KCNIP4: variants seen among roughly 807,000 people sequenced by gnomAD.
KCNIP4 encodes Kv channel-interacting protein 4.
A neutral mutation model predicts 34.0 loss-of-function variants in KCNIP4; 12 were observed. The observed-to-expected ratio is 0.35, with a 90% CI of 0.23 to 0.57. KCNIP4 has a LOEUF of 0.57. Among genes scored for constraint, KCNIP4 ranks in the 20% least tolerant of loss-of-function variants. The pLI is 0.83. For synonymous variants in KCNIP4, 124 were observed against 102.2 expected, an observed-to-expected ratio of 1.21 and a Z score of -1.29; for missense variants, 238 against 311.7, an observed-to-expected ratio of 0.76 and a Z score of 1.78.
At chr4:20,814,056 C>T (rs997328491) in intron 3 of KCNIP4, among the ~76,000 whole-genome samples, 1 of 152,124 alleles carries the variant, frequency 6.6e-6, no homozygotes, top group Non-Finnish European at 1.5e-5. Flanking sequence ...CTTCTTGCTG[C>T]TTCCATTTTC....
intron 1 of KCNIP4, among the ~76,000 whole-genome samples, chr4:21,288,407 A>G (rs539349431): frequency 1.2e-4 from 19 of 152,212 alleles, no homozygotes; most frequent in Non-Finnish European, 2.4e-4. Context: ...TCATTATTAC[A>G]GAACAAAAAA....
chr4:21,184,767 T>TTCA (rs1755094011), intron 1 of KCNIP4, among the ~76,000 whole-genome samples: 1 of 152,214 alleles, frequency 6.6e-6, no homozygotes, highest in Admixed American at 6.6e-5. Context: ...GAAAGTGTCT[T>TTCA]CCTGATAAAC....
chr4:21,199,815 G>A (rs1756336616), intron 1 of KCNIP4, among the ~76,000 whole-genome samples: 1 of 151,728 alleles, frequency 6.6e-6, no homozygotes, highest in Admixed American at 6.6e-5. Context: ...TGATAGACTG[G>A]ATTAAGAAAA....
At chr4:21,770,222 G>A (rs1277798379) in intron 1 of KCNIP4, among the ~76,000 whole-genome samples, 1 of 152,016 alleles carries the variant, frequency 6.6e-6, no homozygotes, top group African/African-American at 2.4e-5. Flanking sequence ...GTGGTGTTTG[G>A]TTTTCCATTC....
Position 21,479,414 on chromosome 4 carries a change from G to A in KCNIP4, c.61+469157C>T, listed in dbSNP as rs146179653. 6.0e-4 allele frequency among the ~76,000 whole-genome samples: 91 copies of A among 152,266 alleles called. 1 individual carries two copies. The highest frequency in any genetic ancestry group is 2.2e-3 in the African/African-American group (90 of 41,564). ...GTAGTTTTTATTCTCTAATAGCAAA[G>A]CTCACATGGAATGAGATATGCATGC... On this transcript the variant is annotated intron_variant, in intron 1 of 8. Transcript: ENST00000382152.
intron 1 of KCNIP4, among the ~76,000 whole-genome samples, chr4:21,580,066 T>C (rs1741093197): frequency 6.6e-6 from 1 of 152,158 alleles, no homozygotes. Context: ...TTTACTTGTG[T>C]AGTTAAGGGG....
At chr4:20,813,787 G>A (rs1716055912) in intron 3 of KCNIP4, among the ~76,000 whole-genome samples, 2 of 152,136 alleles carry the variant, frequency 1.3e-5, no homozygotes, top group Admixed American at 6.5e-5. Context: ...TAGGAAACAG[G>A]AAAAAATTGG....
At chr4:20,995,370 A>C (rs1737455586) in intron 1 of KCNIP4, among the ~76,000 whole-genome samples, 3 of 152,218 alleles carry the variant, frequency 2.0e-5, no homozygotes, top group Non-Finnish European at 4.4e-5. Context: ...TAGTTAAAGC[A>C]TTCATTGCAG....
intron 1 of KCNIP4, among the ~76,000 whole-genome samples, chr4:21,942,804 C>T (rs978302247): frequency 2.0e-5 from 3 of 152,078 alleles, no homozygotes; most frequent in African/African-American, 7.3e-5. Flanking sequence ...GTTGCCCAGG[C>T]AGGAGTGCAA....
chr4:21,411,308 CT>C (rs1182937604), intron 1 of KCNIP4, among the ~76,000 whole-genome samples: 2 of 151,986 alleles, frequency 1.3e-5, no homozygotes, highest in African/African-American at 4.8e-5. Context: ...GGAAAGCAAA[CT>C]TTTAGATAGT....
chr4:21,744,563 C>A (rs1249428253), intron 1 of KCNIP4, among the ~76,000 whole-genome samples: 1 of 152,192 alleles, frequency 6.6e-6, no homozygotes, highest in Admixed American at 6.6e-5. Flanking sequence ...TGAACACCTG[C>A]TTCCCTGAGC....
intron 3 of KCNIP4, among the ~76,000 whole-genome samples, chr4:20,791,249 T>C (rs1461576640): frequency 1.3e-5 from 2 of 152,260 alleles, no homozygotes; most frequent in East Asian, 3.9e-4. Context: ...TAGACATTTT[T>C]AGATGTCAAC....
chr4:21,003,453 G>A (rs1209992480), intron 1 of KCNIP4, among the ~76,000 whole-genome samples: 1 of 152,180 alleles, frequency 6.6e-6, no homozygotes, highest in East Asian at 1.9e-4. Context: ...ACCTAAGAGT[G>A]ATCAATAAAC....
At chr4:21,596,992 AG>A (rs1158811376) in intron 1 of KCNIP4, among the ~76,000 whole-genome samples, 4 of 152,096 alleles carry the variant, frequency 2.6e-5, no homozygotes, top group Non-Finnish European at 5.9e-5. Context: ...AAGTGTTTCA[AG>A]GGGTTTTGTC....
intron 1 of KCNIP4, among the ~76,000 whole-genome samples, chr4:21,782,318 C>A (rs943884325): frequency 6.6e-6 from 1 of 152,074 alleles, no homozygotes; most frequent in Non-Finnish European, 1.5e-5. Context: ...ACATAAGATA[C>A]AAAACAAATT....
intron 1 of KCNIP4, among the ~76,000 whole-genome samples, chr4:21,443,913 A>G (rs115737411): frequency 0.087 from 13,305 of 152,192 alleles, 630 homozygotes; most frequent in East Asian, 0.18. Context: ...CTGGAATCAA[A>G]CAGACACAAT....
intron 1 of KCNIP4, among the ~76,000 whole-genome samples, chr4:21,533,845 C>T (rs1003856999): frequency 1.2e-4 from 19 of 152,244 alleles, no homozygotes; most frequent in African/African-American, 4.6e-4. Context: ...CATAGTCAAT[C>T]AAGTGCTGTG....
chr4:20,898,968 AC>A (rs1488263872), intron 1 of KCNIP4, among the ~76,000 whole-genome samples: 4 of 152,180 alleles, frequency 2.6e-5, no homozygotes, highest in African/African-American at 9.7e-5. Flanking sequence ...ATTTTAGGTA[AC>A]TTCTCCTATA....
At chr4:21,668,656 A>G (rs374510924) in intron 1 of KCNIP4, among the ~76,000 whole-genome samples, 3 of 152,202 alleles carry the variant, frequency 2.0e-5, no homozygotes, top group Admixed American at 2.0e-4. Context: ...TAACATGTTA[A>G]TGAGAGCTAA....
Sources: gnomAD v4.1 joint callset for allele counts (sites outside exome capture counted in the v4.1 genomes callset) on GRCh38, gnomAD v4.1.1 for gene constraint, MANE v1.5 for transcripts, NCBI Gene and HGNC (gene_info 2026-07-23, HGNC 2026-07-21) for gene names.